The following MMP26 variants were observed in gnomAD, a reference collection of about 807,000 sequenced individuals.
MMP26 encodes matrix metalloproteinase-26.
MMP26 carries 33 observed loss-of-function variants against 31.0 expected under a neutral mutation model. The observed-to-expected ratio is 1.06, with a 90% confidence interval of 0.81 to 1.42. The LOEUF (loss-of-function observed/expected upper bound fraction) is 1.42, where lower values mean the gene tolerates loss of function less well. Among genes scored for constraint, MMP26 ranks in the 40% most tolerant of loss-of-function variants. MMP26 has a pLI of 0.00. For synonymous variants in MMP26, 122 were observed against 114.9 expected (o/e 1.06, Z -0.40); for missense variants, 347 against 316.1 (o/e 1.10, Z -0.74).
chr11:4,769,319 C>T (rs755922659), intron 2 of MMP26: 1 of 1,613,498 alleles, frequency 6.2e-7, no homozygotes, highest in Non-Finnish European at 8.5e-7. Flanking sequence ...AATTAATCCA[C>T]AGATGCTATT....
At chr11:4,943,199 AACAATAAGAAG>A (rs1846241624) in intron 2 of MMP26, 1 of 181,862 alleles carries the variant, frequency 5.5e-6, no homozygotes, top group Non-Finnish European at 1.2e-5. Context: ...AACACAGCGA[AACAATAAGAAG>A]ACTTACTAGA....
intron 2 of MMP26, chr11:4,914,767 C>T: frequency 2.5e-6 from 4 of 1,613,976 alleles, no homozygotes; most frequent in Non-Finnish European, 3.4e-6. Context: ...GTTTGGTCTT[C>T]ACACTGTAGA....
intron 2 of MMP26, among the ~76,000 whole-genome samples, chr11:4,791,397 A>C (rs972292920): frequency 6.6e-6 from 1 of 152,048 alleles, no homozygotes; most frequent in Non-Finnish European, 1.5e-5. Context: ...CATTTAAGAG[A>C]GTTTTACTAA....
chr11:4,883,302 A>G (rs2133540914), intron 2 of MMP26, among the ~76,000 whole-genome samples: 1 of 152,202 alleles, frequency 6.6e-6, no homozygotes, highest in South Asian at 2.1e-4. Context: ...GAGCTGGTAA[A>G]AGGAAAAGTT....
chr11:4,845,904 C>T (rs1849860350), intron 2 of MMP26, among the ~76,000 whole-genome samples: 1 of 152,198 alleles, frequency 6.6e-6, no homozygotes, highest in Non-Finnish European at 1.5e-5. Context: ...TCTCATCTCA[C>T]TCCAGTTAAA....
At chr11:4,736,878 C>G (rs1029281491) in intron 1 of MMP26, 2 of 152,650 alleles carry the variant, frequency 1.3e-5, no homozygotes, top group Non-Finnish European at 1.5e-5. Context: ...TCGAAACACA[C>G]AAGCCCAGGT....
chr11:4,904,578 A>G (rs946173124), intron 2 of MMP26, among the ~76,000 whole-genome samples: 1 of 151,994 alleles, frequency 6.6e-6, no homozygotes, highest in Non-Finnish European at 1.5e-5. Flanking sequence ...GTATGATTTC[A>G]TTTACTCTTT....
intron 2 of MMP26, among the ~76,000 whole-genome samples, chr11:4,846,165 C>G (rs1589917765): frequency 6.6e-6 from 1 of 152,110 alleles, no homozygotes; most frequent in South Asian, 2.1e-4. Context: ...CATTCATCAA[C>G]AGACAAATAG....
chr11:4,846,817 C>T (rs568504876), intron 2 of MMP26, among the ~76,000 whole-genome samples: 21 of 152,336 alleles, frequency 1.4e-4, no homozygotes, highest in Middle Eastern at 3.4e-3. Flanking sequence ...ACCATGTTCA[C>T]AGAATAAGAC....
chr11:4,725,620 A>C (rs1308182623), intron 1 of MMP26, among the ~76,000 whole-genome samples: 2 of 152,226 alleles, frequency 1.3e-5, no homozygotes, highest in African/African-American at 4.8e-5. Context: ...TCTCATCATA[A>C]GACTTGTGAA....
At position 4,907,051 on chromosome 11, in the gene MMP26, G is replaced by A. The variant is rs192530962; in HGVS notation, c.-144-81017G>A. Among the ~76,000 whole-genome samples the A allele has an allele frequency of 3.1e-3, 387 of 125,704 alleles. 3 individuals carry two copies. Among genetic ancestry groups the A allele is most frequent in the African/African-American group, 0.011 (370 of 33,360 alleles). The allele number at this position is 125,704 out of a possible 152,430, so 82.5% of individuals were successfully genotyped here. A position where few individuals can be genotyped will look rare whatever the true frequency, so the allele number is the denominator to read the frequency against. On this transcript the variant is annotated intron_variant, in intron 2 of 7. Coordinates refer to ENST00000380390, the MANE Select transcript of MMP26 (RefSeq NM_021801.5). ...GTGGAGGTTGCAGCAAGCTGAGATC[G>A]CACCATTGCACTCCAGCCTGGGCAA... is the stretch of plus-strand genomic sequence containing the variant.
At chr11:4,915,190 T>C in intron 2 of MMP26, 1 of 1,613,978 alleles carries the variant, frequency 6.2e-7, no homozygotes, top group East Asian at 2.2e-5. Context: ...AAATGAGTGC[T>C]ACACTACGAC....
In MMP26 at chr11:4,988,260, G is replaced by A. The variant is rs781512909; in HGVS notation, c.49G>A (p.Ala17Thr). ...RVTIFLPWCFAVPVPPAADHK... is the reference protein window; with the variant it reads ...RVTIFLPWCFTVPVPPAADHK... ...TACTATCTTCTTGCCCTGGTGTTTC[G>A]CCGTTCCAGTGCCCCCTGCTGCAGA... Residue 17 changes from alanine to threonine, a missense_variant, in exon 3 of 8, where the codon GCC becomes ACC. Transcript: ENST00000380390. 28 of 1,613,876 alleles carry A rather than the reference G, an allele frequency of 1.7e-5. No homozygotes were observed. Among genetic ancestry groups the A allele is most frequent in the East Asian group, 8.9e-5 (4 of 44,876 alleles).
chr11:4,711,551 A>G (rs966499524), intron 1 of MMP26: 2 of 152,174 alleles, frequency 1.3e-5, no homozygotes, highest in African/African-American at 4.8e-5. Flanking sequence ...CTTACATAAG[A>G]TCTTCATTCC....
At chr11:4,729,282 A>T (rs1036355973) in intron 1 of MMP26, among the ~76,000 whole-genome samples, 4 of 152,170 alleles carry the variant, frequency 2.6e-5, no homozygotes, top group African/African-American at 9.7e-5. Context: ...TACTTATGTG[A>T]TGGAGAATCC....
chr11:4,917,141 T>C (rs1296497885), intron 2 of MMP26, among the ~76,000 whole-genome samples: 1 of 73,076 alleles, frequency 1.4e-5, no homozygotes, highest in East Asian at 6.8e-4. Flanking sequence ...ACGCAGCAGA[T>C]GCCAAGAATG....
In MMP26 at chr11:4,842,251, A is replaced by G. The variant is rs185209000; in HGVS notation, c.-145+74910A>G. On this transcript the variant is annotated intron_variant, in intron 2 of 7. Coordinates refer to ENST00000380390, the MANE Select transcript of MMP26 (RefSeq NM_021801.5). ...TTTCTTTTAGCTTGTTTAGGCAAAG[A>G]GTGTTAAGTTGTTATTAGGTTAAAA... is the stretch of plus-strand genomic sequence containing the variant. 2.8e-4 allele frequency among the ~76,000 whole-genome samples: 42 copies of G among 152,338 alleles called. No homozygotes were observed. The East Asian group carries it at 7.9e-3, about 29-fold the overall frequency.
chr11:4,939,181 G>A (rs1485708582), intron 2 of MMP26, among the ~76,000 whole-genome samples: 1 of 152,040 alleles, frequency 6.6e-6, no homozygotes, highest in African/African-American at 2.4e-5. Context: ...TAAGGGGAGA[G>A]AATCATGTTT....
chr11:4,834,093 T>C (rs2133483109), intron 2 of MMP26, among the ~76,000 whole-genome samples: 1 of 152,072 alleles, frequency 6.6e-6, no homozygotes, highest in East Asian at 1.9e-4. Context: ...TTTTCTGGGG[T>C]GAGAATTCTA....
Sources: allele counts gnomAD v4.1 joint callset (sites outside exome capture counted in the v4.1 genomes callset), GRCh38; gene constraint gnomAD v4.1.1; transcripts MANE v1.5; gene names NCBI Gene and HGNC (gene_info 2026-07-23, HGNC 2026-07-21).